NKAIN2: variants seen among roughly 807,000 people sequenced by gnomAD.
NKAIN2 encodes the protein sodium/potassium transporting ATPase interacting 2.
In NKAIN2, 14 loss-of-function variants were observed where a neutral mutation model predicts 32.6. The ratio of observed to expected loss-of-function variants is 0.43; its 90% confidence interval spans 0.28 to 0.67. NKAIN2 has a LOEUF of 0.67. Ranked by LOEUF, NKAIN2 falls within the 30% of genes least tolerant of loss-of-function variation. The pLI, the probability that NKAIN2 is intolerant of heterozygous loss-of-function variation, is 0.17. For synonymous variants in NKAIN2, 80 were observed against 87.2 expected, an observed-to-expected ratio of 0.92 and a Z score of 0.46; for missense variants, 198 against 258.3, an observed-to-expected ratio of 0.77 and a Z score of 1.60.
chr6:123,922,173 T>A (rs755055325), intron 1 of NKAIN2, among the ~76,000 whole-genome samples: 1 of 152,204 alleles, frequency 6.6e-6, no homozygotes, highest in Non-Finnish European at 1.5e-5. Flanking sequence ...AAACCAGTAT[T>A]TTTGGTTGAT....
intron 2 of NKAIN2, among the ~76,000 whole-genome samples, chr6:124,331,359 A>C (rs1274670358): frequency 2.2e-5 from 3 of 136,700 alleles, no homozygotes; most frequent in Non-Finnish European, 3.1e-5. Context: ...AAAAAAAAAA[A>C]AAAAAAAAAA....
intron 1 of NKAIN2, among the ~76,000 whole-genome samples, chr6:123,840,090 C>T (rs1310040273): frequency 6.6e-6 from 1 of 151,850 alleles, no homozygotes; most frequent in Non-Finnish European, 1.5e-5. Context: ...AGCTTTTTTT[C>T]TTCCACAGTT....
At chr6:124,413,268 TTTTG>T (rs369011944) in intron 3 of NKAIN2, among the ~76,000 whole-genome samples, 14 of 152,270 alleles carry the variant, frequency 9.2e-5, no homozygotes, top group African/African-American at 3.1e-4. Flanking sequence ...GCGTCGCTCT[TTTTG>T]TTTAAGAATT....
chr6:124,618,579 G>T (rs565490874), intron 3 of NKAIN2, among the ~76,000 whole-genome samples: 1 of 152,148 alleles, frequency 6.6e-6, no homozygotes. Context: ...TGCTAGTATA[G>T]TTTGCTTTGT....
chr6:123,819,202 C>T (rs888485180), intron 1 of NKAIN2, among the ~76,000 whole-genome samples: 1 of 152,118 alleles, frequency 6.6e-6, no homozygotes, highest in Non-Finnish European at 1.5e-5. Context: ...CTGCAGTGCT[C>T]AGGGTGAAAA....
chr6:123,869,621 T>A (rs1430508910), intron 1 of NKAIN2, among the ~76,000 whole-genome samples: 1 of 152,248 alleles, frequency 6.6e-6, no homozygotes, highest in Non-Finnish European at 1.5e-5. Context: ...TGGATTCATA[T>A]CAATTTCTTG....
At chr6:124,663,961 T>C (rs1212434551) in intron 4 of NKAIN2, among the ~76,000 whole-genome samples, 6 of 152,092 alleles carry the variant, frequency 3.9e-5, no homozygotes, top group African/African-American at 9.7e-5. Flanking sequence ...AACCTAGAAA[T>C]TGAATCGTCC....
intron 3 of NKAIN2, among the ~76,000 whole-genome samples, chr6:124,524,603 G>T (rs1429221777): frequency 6.6e-6 from 1 of 152,032 alleles, no homozygotes; most frequent in African/African-American, 2.4e-5. Flanking sequence ...GAAAAAAGTA[G>T]GGCATATGTT....
At chr6:123,958,254 CAAATCATCAG>C (rs1398069075) in intron 1 of NKAIN2, among the ~76,000 whole-genome samples, 2 of 151,932 alleles carry the variant, frequency 1.3e-5, no homozygotes, top group South Asian at 2.1e-4. Flanking sequence ...AAAAAAATTG[CAAATCATCAG>C]AAATCATCAG....
At position 124,817,875 on chromosome 6, in the gene NKAIN2, A is replaced by G. The variant is rs139496014; in HGVS notation, c.536-512A>G. Among the ~76,000 whole-genome samples the G allele has an allele frequency of 2.9e-3, 440 of 152,302 alleles. 4 individuals are homozygous for G. Among genetic ancestry groups the G allele is most frequent in the African/African-American group, 9.8e-3 (409 of 41,570 alleles). On this transcript the variant is annotated intron_variant, in intron 5 of 6. Coordinates refer to ENST00000368417, the MANE Select transcript of NKAIN2 (RefSeq NM_001040214.3). ...ATGGTAAACCACATTTGGCAGGGAC[A>G]GCAATGTTGAGTTAATTTACATGAC...
intron 3 of NKAIN2, among the ~76,000 whole-genome samples, chr6:124,397,975 C>T (rs507155): frequency 6.6e-5 from 10 of 151,894 alleles, no homozygotes; most frequent in Non-Finnish European, 1.3e-4. Context: ...TACCCGGGGC[C>T]GGGCGTGGTG....
intron 3 of NKAIN2, among the ~76,000 whole-genome samples, chr6:124,598,589 G>A (rs916344985): frequency 5.6e-4 from 85 of 151,628 alleles, no homozygotes; most frequent in African/African-American, 2.0e-3. Context: ...ACTTCAGTAA[G>A]CTTGGAAGTA....
At chr6:124,345,503 A>G (rs953102950) in intron 2 of NKAIN2, among the ~76,000 whole-genome samples, 1 of 151,998 alleles carries the variant, frequency 6.6e-6, no homozygotes, top group Admixed American at 6.5e-5. Context: ...TTATTGCCAC[A>G]ATTTCAGATC....
intron 4 of NKAIN2, among the ~76,000 whole-genome samples, chr6:124,717,498 T>A (rs1357146069): frequency 8.5e-5 from 13 of 152,148 alleles, no homozygotes; most frequent in Admixed American, 8.5e-4. Context: ...ACTTTTGGCA[T>A]AACTAAAAAA....
chr6:124,476,610 A>C (rs1320121206), intron 3 of NKAIN2, among the ~76,000 whole-genome samples: 1 of 152,150 alleles, frequency 6.6e-6, no homozygotes, highest in African/African-American at 2.4e-5. Context: ...ACCCAACAAG[A>C]ATTTCCTTTT....
intron 3 of NKAIN2, among the ~76,000 whole-genome samples, chr6:124,536,459 C>T (rs904036263): frequency 6.6e-6 from 1 of 152,048 alleles, no homozygotes; most frequent in Non-Finnish European, 1.5e-5. Flanking sequence ...CACAGATGTT[C>T]TAGGGGGTCT....
chr6:124,564,690 T>G (rs1213075514), intron 3 of NKAIN2, among the ~76,000 whole-genome samples: 1 of 152,066 alleles, frequency 6.6e-6, no homozygotes, highest in Non-Finnish European at 1.5e-5. Flanking sequence ...AGGGAACCAA[T>G]CCTGGACACA....
At chr6:124,074,172 A>G (rs755783050) in intron 1 of NKAIN2, among the ~76,000 whole-genome samples, 1 of 152,180 alleles carries the variant, frequency 6.6e-6, no homozygotes, top group Non-Finnish European at 1.5e-5. Flanking sequence ...TGTGACAGGG[A>G]TGAAATGTTG....
intron 4 of NKAIN2, among the ~76,000 whole-genome samples, chr6:124,707,941 C>A (rs1269253575): frequency 1.3e-5 from 2 of 151,286 alleles, no homozygotes; most frequent in Non-Finnish European, 3.0e-5. Flanking sequence ...AATGGTAATG[C>A]CTAGGTTTTC....
Sources: gnomAD v4.1 joint callset for allele counts (sites outside exome capture counted in the v4.1 genomes callset) on GRCh38, gnomAD v4.1.1 for gene constraint, MANE v1.5 for transcripts, NCBI Gene and HGNC (gene_info 2026-07-23, HGNC 2026-07-21) for gene names.